The following MCMDC2 variants were observed in gnomAD, a reference collection of about 807,000 sequenced individuals.
The protein encoded by MCMDC2 is minichromosome maintenance domain containing 2.
A neutral mutation model predicts 75.8 loss-of-function variants in MCMDC2; 54 were observed. That is an observed-to-expected ratio of 0.71 (90% CI 0.57 to 0.89). The LOEUF (loss-of-function observed/expected upper bound fraction) is 0.89, where lower values mean the gene tolerates loss of function less well. Among genes scored for constraint, MCMDC2 ranks in the 40% least tolerant of loss-of-function variants. MCMDC2 has a pLI of 0.00. For missense variants in MCMDC2, 656 were observed against 780.4 expected (o/e 0.84, Z 1.90); for synonymous variants, 249 against 274.6 (o/e 0.91, Z 0.92).
chr8:66,901,282 C>T lies in MCMDC2; in HGVS notation c.1703C>T (p.Ala568Val), dbSNP rs147128695. The T allele has an allele frequency of 1.1e-4, 183 of 1,613,906 alleles. No homozygotes were observed. Among genetic ancestry groups the T allele is most frequent in the Non-Finnish European group, 1.4e-4 (170 of 1,179,962 alleles). The change falls in exon 13 of 15, where the codon GCA (alanine) becomes GTA (valine). Residue 568 changes from alanine (A) to valine (V), a missense_variant. Coordinates refer to ENST00000422365, the MANE Select transcript of MCMDC2 (RefSeq NM_173518.5). The stretch of plus-strand genomic sequence containing the variant: ...AGAATGACCCATGGCTATTATCTAG[C>T]AAGTCGCAGAATCAGAACAGGCTCT... ...AERMTHGYYL[A>V]SRRIRTGSVC...
chr8:66,923,316 A>G (rs1176682346), downstream of MCMDC2, among the ~76,000 whole-genome samples: 2 of 152,170 alleles, frequency 1.3e-5, no homozygotes. Flanking sequence ...TGCAAAGAAC[A>G]TGGACTGGGG....
Position 66,890,960 on chromosome 8 carries a change from C to A in MCMDC2, c.1169C>A (p.Thr390Asn). The stretch of plus-strand genomic sequence containing the variant: ...ACTCTATCCAGGAATAAGTATGGAA[C>A]TGGAGCAGTTAGCATTCAGGCTGGC... ...FPTLSRNKYGTGAVSIQAGSA... is the reference protein window; with the variant it reads ...FPTLSRNKYGNGAVSIQAGSA... Residue 390 changes from threonine to asparagine, a missense_variant, in exon 10 of 15, where the codon ACT becomes AAT. Physicochemically the swap from Thr to Asn is moderately conservative, Grantham distance 65. Transcript: ENST00000422365. 1 of 1,613,512 alleles carries A rather than the reference C, an allele frequency of 6.2e-7. No homozygotes were observed. The highest frequency in any genetic ancestry group is 2.2e-5 in the East Asian group (1 of 44,868).
At position 66,874,583 on chromosome 8, in the gene MCMDC2, G is replaced by C. The variant is rs138140068; in HGVS notation, c.282G>C (p.Thr94=). 2.7e-5 allele frequency: 43 copies of C among 1,611,266 alleles called. No homozygotes were observed. The African/African-American group carries it at 5.5e-4, about 21-fold the overall frequency. ...LSLIGQLQTE[T]QINIVLKLTH... ...TAATTGGACAATTGCAGACTGAAAC[G>C]CAAGTAAGTTTTAGTTACATTTAAG... is the stretch of plus-strand genomic sequence containing the variant. The change falls in exon 4 of 15, where the codon ACG becomes ACC. Residue 94 remains threonine (T), a synonymous_variant. Coordinates refer to ENST00000422365, the MANE Select transcript of MCMDC2 (RefSeq NM_173518.5).
chr8:66,872,165 A>G (rs1327687823), intron 1 of MCMDC2, among the ~76,000 whole-genome samples: 3 of 152,204 alleles, frequency 2.0e-5, no homozygotes, highest in African/African-American at 7.2e-5. Context: ...ATGTTGTAGC[A>G]AAAAGGACAG....
At chr8:66,890,495 TTTCCAAGTTAAG>T (rs1378340465) in intron 9 of MCMDC2, among the ~76,000 whole-genome samples, 3 of 152,196 alleles carry the variant, frequency 2.0e-5, no homozygotes, top group Non-Finnish European at 4.4e-5. Flanking sequence ...GACTGTGAGC[TTTCCAAGTTAAG>T]GTCCAAGTCT....
In MCMDC2 at chr8:66,874,340, T is replaced by A; in HGVS notation, c.109T>A (p.Tyr37Asn). Residue 37 changes from tyrosine (Y) to asparagine (N), a missense_variant, in exon 3 of 15, where the codon TAT becomes AAT. Physicochemically the swap from Tyr to Asn is moderately radical, Grantham distance 143. Coordinates refer to ENST00000422365, the MANE Select transcript of MCMDC2 (RefSeq NM_173518.5). ...CKYYNDSKQS[Y>N]AVYRFKILIN... ...TATTTTCATAGATTCAAAACAAAGC[T>A]ATGCTGTCTATCGATTCAAAATTTT... 1 of 1,612,070 alleles carries A rather than the reference T, an allele frequency of 6.2e-7. No individual in the cohort carries two copies. Among genetic ancestry groups the A allele is most frequent in the Non-Finnish European group, 8.5e-7 (1 of 1,179,494 alleles).
intron 9 of MCMDC2, among the ~76,000 whole-genome samples, chr8:66,889,053 A>G (rs1563375605): frequency 6.6e-6 from 1 of 152,064 alleles, no homozygotes; most frequent in Non-Finnish European, 1.5e-5. Context: ...CAAACATCCA[A>G]ATTCCTTAGA....
intron 3 of MCMDC2, 35 bp downstream of exon 3, chr8:66,874,491 G>T (rs1477277997): frequency 1.9e-6 from 3 of 1,611,976 alleles, no homozygotes. Flanking sequence ...TATGCCACAT[G>T]GAATTTTTGG....
intron 14 of MCMDC2, among the ~76,000 whole-genome samples, chr8:66,911,512 C>T (rs1394351329): frequency 6.6e-6 from 1 of 152,074 alleles, no homozygotes; most frequent in Non-Finnish European, 1.5e-5. Context: ...ACTATTTTGT[C>T]AAGACTTTCT....
intron 1 of MCMDC2, among the ~76,000 whole-genome samples, chr8:66,871,824 C>T (rs1028141371): frequency 2.0e-5 from 3 of 151,380 alleles, no homozygotes; most frequent in African/African-American, 7.3e-5. Context: ...AGCTTGAGCC[C>T]GGGAGGTAGA....
chr8:66,891,149 T>A (rs1812090199), intron 10 of MCMDC2, 79 bp downstream of exon 10: 1 of 1,230,866 alleles, frequency 8.1e-7, no homozygotes, highest in Non-Finnish European at 1.1e-6. Flanking sequence ...ACAGTTAAGA[T>A]AGTATTGCAG....
chr8:66,877,054 C>T (rs143660165), intron 4 of MCMDC2, among the ~76,000 whole-genome samples: 4,073 of 152,036 alleles, frequency 0.027, 71 homozygotes, highest in Admixed American at 0.044. Flanking sequence ...CCACCGTGCC[C>T]GGCCCTGGTT....
chr8:66,883,207 C>G (rs1385535835), intron 8 of MCMDC2, among the ~76,000 whole-genome samples: 1 of 152,170 alleles, frequency 6.6e-6, no homozygotes, highest in Non-Finnish European at 1.5e-5. Flanking sequence ...ACAGCACTTT[C>G]AAAGTAGTGG....
chr8:66,911,036 G>A (rs1813098051), intron 14 of MCMDC2, among the ~76,000 whole-genome samples: 1 of 152,192 alleles, frequency 6.6e-6, no homozygotes, highest in South Asian at 2.1e-4. Flanking sequence ...TTGGGTTAAT[G>A]CTAGAATGAA....
chr8:66,878,039 C>T (rs1307362110), intron 5 of MCMDC2, among the ~76,000 whole-genome samples: 1 of 151,916 alleles, frequency 6.6e-6, no homozygotes, highest in Non-Finnish European at 1.5e-5. Flanking sequence ...CTCCCCCGCC[C>T]CCATCTTAAC....
At chr8:66,924,315 C>T (rs1237097507), downstream of MCMDC2, among the ~76,000 whole-genome samples, 1 of 151,816 alleles carries the variant, frequency 6.6e-6, no homozygotes, top group Non-Finnish European at 1.5e-5. Flanking sequence ...TACGAAGTCT[C>T]ACTGATGAAA....
intron 8 of MCMDC2, among the ~76,000 whole-genome samples, chr8:66,882,954 G>A (rs535504522): frequency 1.3e-5 from 2 of 152,280 alleles, no homozygotes. Flanking sequence ...AGAATGAGAT[G>A]TATTTAACTA....
chr8:66,877,248 A>G (rs1346855982), intron 4 of MCMDC2, 101 bp from the exon 5 acceptor site: 3 of 700,994 alleles, frequency 4.3e-6, no homozygotes, highest in Non-Finnish European at 6.6e-6. Context: ...GAACAATAAC[A>G]TATCATTACT....
At chr8:66,874,913 G>A (rs941497346) in intron 4 of MCMDC2, among the ~76,000 whole-genome samples, 3 of 151,424 alleles carry the variant, frequency 2.0e-5, no homozygotes, top group Non-Finnish European at 2.9e-5. Flanking sequence ...CCACCACCAC[G>A]CTCAGCTAAT....
Sources: gnomAD v4.1 joint callset for allele counts (sites outside exome capture counted in the v4.1 genomes callset) on GRCh38, gnomAD v4.1.1 for gene constraint, MANE v1.5 for transcripts, NCBI Gene and HGNC (gene_info 2026-07-23, HGNC 2026-07-21) for gene names.